Variants in TWSG1 observed in about 807,000 individuals in gnomAD.
TWSG1 encodes twisted gastrulation BMP signaling modulator 1, also known as twisted gastrulation protein homolog 1.
TWSG1 carries 15 observed loss-of-function variants against 23.0 expected under a neutral mutation model. The observed-to-expected ratio is 0.65, with a 90% CI of 0.44 to 1.00. The LOEUF is 1.00. Among genes scored for constraint, TWSG1 ranks in the 50% least tolerant of loss-of-function variants. The pLI is 0.00. For synonymous variants in TWSG1, 86 were observed against 92.8 expected (o/e 0.93, Z 0.42); for missense variants, 242 against 278.7 (o/e 0.87, Z 0.94).
At chr18:9,350,251 T>C (rs943920687) in intron 2 of TWSG1, among the ~76,000 whole-genome samples, 1 of 84,880 alleles carries the variant, frequency 1.2e-5, no homozygotes, top group African/African-American at 4.6e-5. Context: ...AGGCCTGATA[T>C]AATTTAAAGA....
chr18:9,390,581 G>GA (rs1191996438), intron 3 of TWSG1, among the ~76,000 whole-genome samples: 1 of 152,194 alleles, frequency 6.6e-6, no homozygotes, highest in Non-Finnish European at 1.5e-5. Context: ...TTACAGGCAT[G>GA]AGCCATCACA....
At position 9,400,133 on chromosome 18, in the gene TWSG1, C is replaced by T. The variant is rs546866684; in HGVS notation, c.*606C>T. 1.3e-5 allele frequency: 2 copies of T among 152,210 alleles called. No homozygotes were observed. Among genetic ancestry groups the T allele is most frequent in the African/African-American group, 4.8e-5 (2 of 41,544 alleles). The allele number at this position is 152,210 out of a possible 1,614,324, so 9.4% of individuals were successfully genotyped here. ...ATTGAGAACTCTTACATAGTAGAATCCATTCTATAATACATGTGTTGACAA... is the reference window on the plus strand; with the variant it reads ...ATTGAGAACTCTTACATAGTAGAATTCATTCTATAATACATGTGTTGACAA... On this transcript the variant is annotated 3_prime_UTR_variant, in exon 5 of 5. Transcript: ENST00000262120.
chr18:9,359,201 G>A (rs1017103430), intron 2 of TWSG1, among the ~76,000 whole-genome samples: 1 of 151,984 alleles, frequency 6.6e-6, no homozygotes, highest in African/African-American at 2.4e-5. Flanking sequence ...TGGTTGGTTG[G>A]AAGCTGGCTG....
chr18:9,388,492 A>C (rs181767593), intron 3 of TWSG1: 2 of 152,370 alleles, frequency 1.3e-5, no homozygotes, highest in Non-Finnish European at 2.9e-5. Flanking sequence ...AATTTGCTAC[A>C]GAATATGGTT....
intron 3 of TWSG1, among the ~76,000 whole-genome samples, chr18:9,371,803 G>A (rs1038762118): frequency 1.5e-5 from 2 of 133,674 alleles, no homozygotes; most frequent in African/African-American, 2.8e-5. Flanking sequence ...ACAGAGTCTC[G>A]CACTGTCGCC....
At chr18:9,358,010 C>T (rs2040534891) in intron 2 of TWSG1, among the ~76,000 whole-genome samples, 1 of 152,046 alleles carries the variant, frequency 6.6e-6, no homozygotes. Context: ...TTGTTTTAAA[C>T]AGGGCGTTTT....
chr18:9,364,235 G>T (rs2040566682), intron 3 of TWSG1, among the ~76,000 whole-genome samples: 1 of 152,114 alleles, frequency 6.6e-6, no homozygotes, highest in Admixed American at 6.6e-5. Flanking sequence ...TTGTTAGTTG[G>T]TCTTTTCTAT....
rs1054234756 is a variant in TWSG1, at chr18:9,400,274, A to G, written c.*747A>G. ...GGGTGTACCTATGAAATTGCTTTAA[A>G]TGCACTGCTGGTGTAAATAATTAGC... is the stretch of plus-strand genomic sequence containing the variant. On this transcript the variant is annotated 3_prime_UTR_variant, in exon 5 of 5. Coordinates refer to ENST00000262120, the MANE Select transcript of TWSG1 (RefSeq NM_020648.6). 2 of 144,300 alleles carry G rather than the reference A, an allele frequency of 1.4e-5. No homozygotes were observed. The highest frequency in any genetic ancestry group is 3.0e-5 in the Non-Finnish European group (2 of 66,618). The allele number at this position is 144,300 out of a possible 1,614,324, so 8.9% of individuals were successfully genotyped here.
chr18:9,353,439 A>T (rs1046169469), intron 2 of TWSG1, among the ~76,000 whole-genome samples: 2 of 152,216 alleles, frequency 1.3e-5, no homozygotes, highest in Non-Finnish European at 2.9e-5. Flanking sequence ...TTCATTTCAT[A>T]TAAGCTTTGA....
intron 3 of TWSG1, among the ~76,000 whole-genome samples, chr18:9,380,090 A>G (rs970475055): frequency 3.9e-5 from 6 of 152,206 alleles, no homozygotes; most frequent in Admixed American, 2.0e-4. Flanking sequence ...TTAATTCTTT[A>G]AAATGTCAGG....
intron 2 of TWSG1, among the ~76,000 whole-genome samples, chr18:9,356,074 A>G (rs1229414895): frequency 6.6e-6 from 1 of 152,236 alleles, no homozygotes; most frequent in African/African-American, 2.4e-5. Context: ...TTTTACCATT[A>G]AAGTCTTAAA....
At chr18:9,358,380 CTGAT>C (rs1334307023) in intron 2 of TWSG1, among the ~76,000 whole-genome samples, 1 of 152,142 alleles carries the variant, frequency 6.6e-6, no homozygotes, top group Non-Finnish European at 1.5e-5. Flanking sequence ...GGAAGACAAT[CTGAT>C]TGACCAGCTA....
chr18:9,381,231 C>T (rs7243117), intron 3 of TWSG1, among the ~76,000 whole-genome samples: 20,352 of 152,116 alleles, frequency 0.13, 1,518 homozygotes, highest in Middle Eastern at 0.27. Context: ...CACATTTTGC[C>T]GTAGCGATAT....
rs1202424627 is a variant in TWSG1, at chr18:9,400,108, AT to A, written c.*583del. On this transcript the variant is annotated 3_prime_UTR_variant, in exon 5 of 5. Transcript: ENST00000262120. ...AGGTAAATGCTTACCATATTTTATA[AT>A]TGAGAACTCTTACATAGTAGAATCC... 6.6e-6 allele frequency: 1 copy of A among 152,254 alleles called. No individual in the cohort carries two copies. The highest frequency in any genetic ancestry group is 2.4e-5 in the African/African-American group (1 of 41,452). The allele number at this position is 152,254 out of a possible 1,614,324, so 9.4% of individuals were successfully genotyped here. A position where few individuals can be genotyped will look rare whatever the true frequency, so the allele number is the denominator to read the frequency against.
chr18:9,345,934 T>C (rs2040475007), intron 2 of TWSG1, among the ~76,000 whole-genome samples: 1 of 152,222 alleles, frequency 6.6e-6, no homozygotes, highest in African/African-American at 2.4e-5. Context: ...TATTAACATC[T>C]TGCATCTGTG....
intron 2 of TWSG1, among the ~76,000 whole-genome samples, chr18:9,337,988 T>A (rs1241501562): frequency 6.6e-6 from 1 of 152,182 alleles, no homozygotes; most frequent in Non-Finnish European, 1.5e-5. Flanking sequence ...ACCACTCTCA[T>A]TTTTCTGGGG....
In TWSG1 at chr18:9,398,491, C is replaced by T. The variant is rs187074500; in HGVS notation, c.491-855C>T. 1.4e-3 allele frequency among the ~76,000 whole-genome samples: 211 copies of T among 152,124 alleles called. 1 individual carries two copies. Among genetic ancestry groups the T allele is most frequent in the African/African-American group, 4.9e-3 (205 of 41,514 alleles). ...TTGTTTTTTGAAATGGAGTTTCACT[C>T]TTGTTGCCCAGGCTGGAGTGCAATG... is the stretch of plus-strand genomic sequence containing the variant. On this transcript the variant is annotated intron_variant, in intron 4 of 4. Coordinates refer to ENST00000262120, the MANE Select transcript of TWSG1 (RefSeq NM_020648.6).
chr18:9,337,486 T>TCATG, intron 2 of TWSG1, 134 bp downstream of exon 2: 1 of 914,816 alleles, frequency 1.1e-6, no homozygotes, highest in Non-Finnish European at 1.6e-6. Flanking sequence ...AGGTACTGAA[T>TCATG]CATGACACAC....
At chr18:9,343,256 A>ATC (rs2040455517) in intron 2 of TWSG1, among the ~76,000 whole-genome samples, 1 of 134,590 alleles carries the variant, frequency 7.4e-6, no homozygotes, top group Admixed American at 7.5e-5. Flanking sequence ...ATATATATAT[A>ATC]TATATCTTGT....
Sources: allele counts gnomAD v4.1 joint callset (sites outside exome capture counted in the v4.1 genomes callset), GRCh38; gene constraint gnomAD v4.1.1; transcripts MANE v1.5; gene names NCBI Gene and HGNC (gene_info 2026-07-23, HGNC 2026-07-21).